TEX35: variants seen among roughly 807,000 people sequenced by gnomAD.
TEX35 encodes testis-expressed protein 35.
Under a neutral mutation model 31.9 loss-of-function variants are expected in TEX35, and 26 were observed. That is an observed-to-expected ratio of 0.81 (90% CI 0.60 to 1.13). TEX35 has a LOEUF of 1.13. TEX35 is among the 50% of genes most tolerant of loss of function. The probability of loss-of-function intolerance (pLI) is 0.00; values close to 1 mark genes in which losing one functional copy is unlikely to be tolerated. For synonymous variants in TEX35, 87 were observed against 90.7 expected (o/e 0.96, Z 0.23); for missense variants, 278 against 273.5 (o/e 1.02, Z -0.12).
chr1:178,522,584 T>G lies in TEX35; in HGVS notation c.*144T>G, dbSNP rs147353509. On this transcript the variant is annotated 3_prime_UTR_variant, in exon 9 of 9. Coordinates refer to ENST00000319416, the MANE Select transcript of TEX35 (RefSeq NM_032126.5). ...ATTTCATATTTTATTTCACACCAGTTCCTCCTTGTTTCATCTCTTTGCTAA... is the reference window on the plus strand; with the variant it reads ...ATTTCATATTTTATTTCACACCAGTGCCTCCTTGTTTCATCTCTTTGCTAA... 37 of 1,336,662 alleles carry G rather than the reference T, an allele frequency of 2.8e-5. No individual in the cohort carries two copies. Among genetic ancestry groups the G allele is most frequent in the Non-Finnish European group, 3.5e-5 (36 of 1,041,764 alleles). 82.8% of individuals were successfully genotyped at this position (1,336,662 alleles called of 1,614,324 possible).
In TEX35 at chr1:178,520,430, A is replaced by G. The variant is rs746740772; in HGVS notation, c.335A>G (p.Tyr112Cys). The stretch of plus-strand genomic sequence containing the variant: ...ATTTTAATAAATACACAGAAGAACT[A>G]TAAGCTGTAAGTGTAACCTGCACTC... ...MDILINTQKN[Y>C]KLPLRRAPKE... is the part of the protein sequence containing the mutation. The change falls in exon 6 of 9, where the codon TAT becomes TGT. Residue 112 changes from tyrosine to cysteine, a missense_variant. Tyr to Cys is a radical substitution (Grantham distance 194, BLOSUM62 -2). Coordinates refer to ENST00000319416, the MANE Select transcript of TEX35 (RefSeq NM_032126.5). The G allele has an allele frequency of 7.4e-6, 12 of 1,614,006 alleles. No individual in the cohort carries two copies. Among genetic ancestry groups the G allele is most frequent in the African/African-American group, 5.3e-5 (4 of 74,918 alleles).
At chr1:178,523,379 TC>T (rs2101899732), downstream of TEX35, 2 of 647,112 alleles carry the variant, frequency 3.1e-6, no homozygotes, top group South Asian at 3.6e-5. Context: ...TCCAAACTGT[TC>T]TCCATAGTGG....
At chr1:178,515,976 C>T in intron 4 of TEX35, 61 bp downstream of exon 4, 1 of 1,351,642 alleles carries the variant, frequency 7.4e-7, no homozygotes, top group Non-Finnish European at 1.1e-6. Context: ...AAAATGCAAT[C>T]CTTAAGTTTG....
At position 178,522,437 on chromosome 1, in the gene TEX35, G is replaced by A. The variant is rs1395323127; in HGVS notation, c.699G>A (p.Arg233=). The change falls in exon 9 of 9, where the codon AGG becomes AGA. Residue 233 remains arginine, a synonymous_variant. Transcript: ENST00000319416. ...VPAPKSQTEG[R] is the part of the protein sequence containing the mutation. ...CCCCAAAGTCCCAGACTGAGGGAAGGTGAAGCTTAACTGCCAGCTTGAAAT... is the reference window on the plus strand; with the variant it reads ...CCCCAAAGTCCCAGACTGAGGGAAGATGAAGCTTAACTGCCAGCTTGAAAT... The A allele has an allele frequency of 8.2e-6, 13 of 1,593,842 alleles. No homozygotes were observed. The highest frequency in any genetic ancestry group is 1.1e-5 in the Non-Finnish European group (13 of 1,168,642).
At chr1:178,514,389 G>A (rs1191901423) in intron 2 of TEX35, among the ~76,000 whole-genome samples, 1 of 152,172 alleles carries the variant, frequency 6.6e-6, no homozygotes, top group East Asian at 1.9e-4. Context: ...ACAAGACTCT[G>A]GCTTTGCAAA....
At chr1:178,515,206 C>A (rs976637547) in intron 3 of TEX35, among the ~76,000 whole-genome samples, 7 of 152,164 alleles carry the variant, frequency 4.6e-5, no homozygotes, top group African/African-American at 1.7e-4. Flanking sequence ...CTCCCAAGTT[C>A]AAGCAATTCT....
At chr1:178,514,220 T>C (rs41267184) in intron 2 of TEX35, 143 bp downstream of exon 2, 61,404 of 1,562,118 alleles carry the variant, frequency 0.039, 1,482 homozygotes, top group South Asian at 0.066. Context: ...CTTGCTCTCA[T>C]AGAACTTCAC....
At chr1:178,520,286 T>C (rs563298742) in intron 5 of TEX35, 86 bp from the exon 6 acceptor site, 79 of 1,362,182 alleles carry the variant, frequency 5.8e-5, no homozygotes, top group East Asian at 5.0e-4. Context: ...GGAAGTAAGA[T>C]GCAGAATGGT....
chr1:178,515,745 A>G (rs1245476281), intron 3 of TEX35, 114 bp from the exon 4 acceptor site: 2 of 793,206 alleles, frequency 2.5e-6, no homozygotes, highest in African/African-American at 1.7e-5. Context: ...TTTCCTCCCT[A>G]TTGAAAGCTT....
chr1:178,514,867 C>T, intron 3 of TEX35, 99 bp downstream of exon 3: 1 of 976,744 alleles, frequency 1.0e-6, no homozygotes, highest in Non-Finnish European at 1.6e-6. Flanking sequence ...CAAGAATATC[C>T]TCTTACATAG....
At chr1:178,514,600 C>T (rs149941892) in intron 2 of TEX35, 100 bp from the exon 3 acceptor site, 437 of 1,208,490 alleles carry the variant, frequency 3.6e-4, no homozygotes, top group Admixed American at 1.3e-3. Flanking sequence ...TGCCTTAGCC[C>T]TAAGGGAGGA....
chr1:178,514,579 AG>A, intron 2 of TEX35, 120 bp from the exon 3 acceptor site: 1 of 950,130 alleles, frequency 1.1e-6, no homozygotes, highest in Non-Finnish European at 1.6e-6. Context: ...TGGGGCCACC[AG>A]CTTTCCTCTT....
downstream of TEX35, chr1:178,522,650 C>CTT (rs60079347): frequency 0.043 from 51,426 of 1,195,016 alleles, 613 homozygotes; most frequent in Middle Eastern, 0.058. Context: ...TGGCCAAGTT[C>CTT]TTTTTTTTTG....
At chr1:178,514,323 G>A in intron 2 of TEX35, 1 of 1,347,068 alleles carries the variant, frequency 7.4e-7, no homozygotes, top group Non-Finnish European at 1.0e-6. Context: ...ATGTCTGAGT[G>A]GCTGCCGTGG....
chr1:178,520,595 C>T (rs774458042), intron 6 of TEX35, 78 bp from the exon 7 acceptor site: 1 of 1,591,606 alleles, frequency 6.3e-7, no homozygotes, highest in South Asian at 1.1e-5. Flanking sequence ...CCATGGCCAC[C>T]CGTGTACTGG....
intron 1 of TEX35, 131 bp from the exon 2 acceptor site, chr1:178,513,896 T>C: frequency 9.6e-7 from 1 of 1,046,508 alleles, no homozygotes; most frequent in Non-Finnish European, 1.4e-6. Context: ...GAGCCTGAGC[T>C]CAAGCCAGTT....
At chr1:178,523,319 G>A (rs1257149896), downstream of TEX35, 1 of 698,060 alleles carries the variant, frequency 1.4e-6, no homozygotes, top group Non-Finnish European at 2.6e-6. Flanking sequence ...CGCTGCAGTG[G>A]GACTGCTGGA....
At chr1:178,514,173 A>G in intron 2 of TEX35, 96 bp downstream of exon 2, 2 of 1,605,706 alleles carry the variant, frequency 1.2e-6, no homozygotes, top group Non-Finnish European at 1.7e-6. Flanking sequence ...CTAGTGGCCA[A>G]GATTTGTCCC....
chr1:178,521,636 A>T (rs1558039782), intron 8 of TEX35: 2 of 1,552,062 alleles, frequency 1.3e-6, no homozygotes, highest in Non-Finnish European at 1.7e-6. Context: ...TCTGTACCTC[A>T]ACCCCGGTGA....
Sources: allele counts gnomAD v4.1 joint callset (sites outside exome capture counted in the v4.1 genomes callset), GRCh38; gene constraint gnomAD v4.1.1; transcripts MANE v1.5; gene names NCBI Gene and HGNC (gene_info 2026-07-23, HGNC 2026-07-21).